KCNH7: variants seen among roughly 807,000 people sequenced by gnomAD.
The protein encoded by KCNH7 is potassium voltage-gated channel subfamily H member 7.
A neutral mutation model predicts 120.8 loss-of-function variants in KCNH7; 49 were observed. The observed-to-expected ratio is 0.41, with a 90% CI of 0.32 to 0.51. The LOEUF (loss-of-function observed/expected upper bound fraction) is 0.51, where lower values mean the gene tolerates loss of function less well. Among genes scored for constraint, KCNH7 ranks in the 20% least tolerant of loss-of-function variants. The probability of loss-of-function intolerance (pLI) is 0.38; values close to 1 mark genes in which losing one functional copy is unlikely to be tolerated. For missense variants in KCNH7, 1,097 were observed against 1,446.6 expected (o/e 0.76, Z 3.92); for synonymous variants, 547 against 516.1 (o/e 1.06, Z -0.81).
At chr2:162,539,905 A>G (rs1692245710) in intron 2 of KCNH7, among the ~76,000 whole-genome samples, 1 of 152,156 alleles carries the variant, frequency 6.6e-6, no homozygotes, top group African/African-American at 2.4e-5. Flanking sequence ...TATATTTTAT[A>G]GAACAGAAAT....
chr2:162,428,993 C>T (rs537736467), intron 8 of KCNH7, among the ~76,000 whole-genome samples: 2 of 151,688 alleles, frequency 1.3e-5, no homozygotes, highest in African/African-American at 2.4e-5. Flanking sequence ...ATATTTAATG[C>T]AATTATTGAT....
chr2:162,836,312 T>C (rs1398484805), intron 2 of KCNH7, among the ~76,000 whole-genome samples: 2 of 152,212 alleles, frequency 1.3e-5, no homozygotes, highest in Non-Finnish European at 1.5e-5. Context: ...AGTGACATTA[T>C]GTTACTGTAC....
intron 12 of KCNH7, 54 bp from the exon 13 acceptor site, chr2:162,384,993 A>G: frequency 7.0e-7 from 1 of 1,430,974 alleles, no homozygotes; most frequent in Non-Finnish European, 9.6e-7. Context: ...ATTAAATGTG[A>G]GACGGTATGC....
chr2:162,545,642 A>C (rs2105845995), intron 2 of KCNH7, among the ~76,000 whole-genome samples: 1 of 152,344 alleles, frequency 6.6e-6, no homozygotes, highest in Non-Finnish European at 1.5e-5. Context: ...TGATTTCCTC[A>C]TAAGCTTGTT....
At chr2:162,458,938 T>A (rs562176275) in intron 6 of KCNH7, among the ~76,000 whole-genome samples, 51 of 151,344 alleles carry the variant, frequency 3.4e-4, no homozygotes, top group Non-Finnish European at 5.9e-4. Flanking sequence ...CCCAAGGAGG[T>A]TGAGGCTGCA....
intron 4 of KCNH7, among the ~76,000 whole-genome samples, chr2:162,515,827 T>C (rs1422071946): frequency 6.6e-6 from 1 of 151,712 alleles, no homozygotes; most frequent in Admixed American, 6.6e-5. Flanking sequence ...TTAAAATAGA[T>C]GTGCTAATTG....
chr2:162,520,362 C>T (rs1266269192), intron 3 of KCNH7, among the ~76,000 whole-genome samples: 1 of 151,488 alleles, frequency 6.6e-6, no homozygotes, highest in Non-Finnish European at 1.5e-5. Context: ...TACATATTTC[C>T]ACGCTACTAT....
chr2:162,620,682 C>T (rs1408026377), intron 2 of KCNH7, among the ~76,000 whole-genome samples: 1 of 152,116 alleles, frequency 6.6e-6, no homozygotes, highest in Non-Finnish European at 1.5e-5. Flanking sequence ...TGGGGTCTCA[C>T]AGATTCTCCT....
At chr2:162,764,550 G>T (rs1167846857) in intron 2 of KCNH7, among the ~76,000 whole-genome samples, 1 of 152,014 alleles carries the variant, frequency 6.6e-6, no homozygotes, top group African/African-American at 2.4e-5. Context: ...AAAATGTATA[G>T]AATAGACTTA....
intron 2 of KCNH7, among the ~76,000 whole-genome samples, chr2:162,545,266 G>A (rs538511918): frequency 2.0e-5 from 3 of 152,294 alleles, no homozygotes; most frequent in African/African-American, 4.8e-5. Context: ...GCAAAAACAA[G>A]TAAATATACT....
chr2:162,761,816 A>G (rs1318194806), intron 2 of KCNH7, among the ~76,000 whole-genome samples: 2 of 152,092 alleles, frequency 1.3e-5, no homozygotes, highest in African/African-American at 4.8e-5. Context: ...GGATGGTGGT[A>G]TTTGAGTCTA....
At chr2:162,444,624 C>G in intron 7 of KCNH7, among the ~76,000 whole-genome samples, 1 of 152,150 alleles carries the variant, frequency 6.6e-6, no homozygotes, top group East Asian at 1.9e-4. Flanking sequence ...TCCCATTATA[C>G]TTCTAAGCTT....
chr2:162,769,864 G>A (rs1053486685), intron 2 of KCNH7, among the ~76,000 whole-genome samples: 2 of 151,966 alleles, frequency 1.3e-5, no homozygotes, highest in African/African-American at 4.8e-5. Context: ...ATGCAAATAA[G>A]CAAATCAGAA....
intron 2 of KCNH7, among the ~76,000 whole-genome samples, chr2:162,602,530 T>A (rs964930139): frequency 6.6e-6 from 1 of 152,044 alleles, no homozygotes; most frequent in African/African-American, 2.4e-5. Flanking sequence ...ATACACCAAG[T>A]CCATCGCTGC....
chr2:162,543,069 T>C (rs1692366095), intron 2 of KCNH7, among the ~76,000 whole-genome samples: 1 of 152,082 alleles, frequency 6.6e-6, no homozygotes, highest in Admixed American at 6.6e-5. Context: ...TTCAGTAGAA[T>C]ACTTGCCCGT....
chr2:162,628,979 T>C (rs77992186), intron 2 of KCNH7, among the ~76,000 whole-genome samples: 3,408 of 152,138 alleles, frequency 0.022, 124 homozygotes, highest in East Asian at 0.18. Context: ...GCAGTAGGAA[T>C]ATGGCAGTAT....
intron 3 of KCNH7, among the ~76,000 whole-genome samples, chr2:162,525,471 A>G (rs1332350392): frequency 6.6e-6 from 1 of 151,954 alleles, no homozygotes; most frequent in East Asian, 2.0e-4. Flanking sequence ...TGGTGGACTG[A>G]TTTCAGCCTC....
intron 2 of KCNH7, among the ~76,000 whole-genome samples, chr2:162,685,921 A>C (rs769189868): frequency 2.0e-5 from 3 of 152,136 alleles, no homozygotes; most frequent in Non-Finnish European, 4.4e-5. Context: ...GTCAGGAAAG[A>C]GAGAACAAAG....
intron 2 of KCNH7, among the ~76,000 whole-genome samples, chr2:162,571,290 T>A (rs1055599847): frequency 6.6e-6 from 1 of 152,146 alleles, no homozygotes; most frequent in Non-Finnish European, 1.5e-5. Context: ...GGACTCCCAT[T>A]CACAATTGCT....
Sources: gnomAD v4.1 joint callset for allele counts (sites outside exome capture counted in the v4.1 genomes callset) on GRCh38, gnomAD v4.1.1 for gene constraint, MANE v1.5 for transcripts, NCBI Gene and HGNC (gene_info 2026-07-23, HGNC 2026-07-21) for gene names.